MCTP1: variants seen among roughly 807,000 people sequenced by gnomAD.
MCTP1 encodes the protein multiple C2 and transmembrane domain containing 1, also known as multiple C2 and transmembrane domain-containing protein 1.
MCTP1 carries 69 observed loss-of-function variants against 120.6 expected under a neutral mutation model. The ratio of observed to expected loss-of-function variants is 0.57; its 90% CI spans 0.47 to 0.70. The LOEUF (loss-of-function observed/expected upper bound fraction) is 0.70, where lower values mean the gene tolerates loss of function less well. Among genes scored for constraint, MCTP1 ranks in the 30% least tolerant of loss-of-function variants. The pLI is 0.00. For missense variants in MCTP1, 1,203 were observed against 1,248.8 expected, an observed-to-expected ratio of 0.96 and a Z score of 0.55; for synonymous variants, 529 against 493.1, an observed-to-expected ratio of 1.07 and a Z score of -0.96.
intron 1 of MCTP1, among the ~76,000 whole-genome samples, chr5:95,136,593 AAG>A (rs1759466555): frequency 6.6e-6 from 1 of 152,194 alleles, no homozygotes; most frequent in African/African-American, 2.4e-5. Context: ...GGAAGTCAAG[AAG>A]AGAGAAGAGT....
intron 1 of MCTP1, among the ~76,000 whole-genome samples, chr5:95,260,054 T>A (rs1758328313): frequency 6.6e-6 from 1 of 152,146 alleles, no homozygotes; most frequent in Non-Finnish European, 1.5e-5. Flanking sequence ...GTGGGTGTGG[T>A]TTTTATTAAT....
intron 2 of MCTP1, among the ~76,000 whole-genome samples, chr5:94,953,898 T>TATATGCATATATATACAAATAC (rs1821438586): frequency 1.4e-5 from 1 of 73,538 alleles, no homozygotes; most frequent in Non-Finnish European, 2.7e-5. Flanking sequence ...TATACAAATA[T>TATATGCATATATATACAAATAC]ATATATGCAT....
At chr5:95,244,144 T>C (rs1013339670) in intron 1 of MCTP1, among the ~76,000 whole-genome samples, 2 of 152,208 alleles carry the variant, frequency 1.3e-5, no homozygotes, top group African/African-American at 2.4e-5. Context: ...GCTTCCAAGA[T>C]GGCTGAATAG....
At chr5:94,949,639 AT>A (rs529840385) in intron 3 of MCTP1, among the ~76,000 whole-genome samples, 12 of 151,966 alleles carry the variant, frequency 7.9e-5, no homozygotes, top group Admixed American at 7.2e-4. Context: ...TCAGAACTGA[AT>A]TTTTTTTCCT....
intron 19 of MCTP1, among the ~76,000 whole-genome samples, chr5:94,753,333 C>A (rs1768944198): frequency 6.6e-6 from 1 of 152,196 alleles, no homozygotes; most frequent in African/African-American, 2.4e-5. Flanking sequence ...ATGCAGTTTG[C>A]ACAAACCCCC....
At chr5:95,207,277 T>C (rs1397088170) in intron 1 of MCTP1, among the ~76,000 whole-genome samples, 4 of 151,984 alleles carry the variant, frequency 2.6e-5, no homozygotes, top group African/African-American at 4.8e-5. Flanking sequence ...GCAGCAGGGG[T>C]GGTGAATAGG....
At chr5:95,191,735 A>G (rs1235099125) in intron 1 of MCTP1, among the ~76,000 whole-genome samples, 1 of 152,006 alleles carries the variant, frequency 6.6e-6, no homozygotes, top group Non-Finnish European at 1.5e-5. Context: ...CTAAGAATAT[A>G]TGTTTCCTGA....
chr5:95,056,695 T>A (rs1371817059), intron 1 of MCTP1, among the ~76,000 whole-genome samples: 1 of 152,160 alleles, frequency 6.6e-6, no homozygotes, highest in African/African-American at 2.4e-5. Context: ...TCACTGAGTA[T>A]TCCAGTACCA....
At chr5:95,113,236 C>T (rs1277731258) in intron 1 of MCTP1, among the ~76,000 whole-genome samples, 2 of 151,968 alleles carry the variant, frequency 1.3e-5, no homozygotes, top group East Asian at 3.9e-4. Context: ...AAATAGAAGG[C>T]TCCACCAATC....
intron 1 of MCTP1, among the ~76,000 whole-genome samples, chr5:95,085,415 T>TC (rs1755353301): frequency 6.6e-6 from 1 of 151,524 alleles, no homozygotes; most frequent in Non-Finnish European, 1.5e-5. Flanking sequence ...TTTTTTTTTT[T>TC]TTGCTTAGCA....
intron 1 of MCTP1, among the ~76,000 whole-genome samples, chr5:95,156,370 A>T (rs1745131651): frequency 6.6e-6 from 1 of 152,228 alleles, no homozygotes; most frequent in Admixed American, 6.5e-5. Context: ...TCTGAACTGC[A>T]AAGTGAATTA....
rs140902074 is a variant in MCTP1, at chr5:95,008,062, T to A, written c.838+9305A>T. ...GCTTATCTTTAAGAAACAGAACGCC[T>A]GTGATAAAAAGTTTCCTTTGTAACT... On this transcript the variant is annotated intron_variant, in intron 2 of 22. Coordinates refer to ENST00000515393, the MANE Select transcript of MCTP1 (RefSeq NM_024717.7). Among the ~76,000 whole-genome samples the A allele has an allele frequency of 7.6e-3, 1,157 of 152,310 alleles. 12 individuals are homozygous for A. Among genetic ancestry groups the A allele is most frequent in the African/African-American group, 0.027 (1,123 of 41,574 alleles).
At chr5:95,098,672 A>G (rs547289253) in intron 1 of MCTP1, among the ~76,000 whole-genome samples, 3 of 152,082 alleles carry the variant, frequency 2.0e-5, no homozygotes, top group East Asian at 1.9e-4. Context: ...GGAAGAATCA[A>G]TATCGTGAAA....
intron 1 of MCTP1, among the ~76,000 whole-genome samples, chr5:95,143,553 C>A (rs1760117256): frequency 6.6e-6 from 1 of 152,040 alleles, no homozygotes; most frequent in African/African-American, 2.4e-5. Context: ...CCATCTTCCC[C>A]TCCCTCCCTT....
chr5:94,738,830 G>A (rs1240316025), intron 19 of MCTP1, among the ~76,000 whole-genome samples: 1 of 152,192 alleles, frequency 6.6e-6, no homozygotes, highest in African/African-American at 2.4e-5. Flanking sequence ...ACCGAGCTCA[G>A]TAAAGAACAC....
intron 2 of MCTP1, among the ~76,000 whole-genome samples, chr5:94,971,448 T>C (rs1055575431): frequency 2.0e-5 from 3 of 152,154 alleles, no homozygotes; most frequent in African/African-American, 4.8e-5. Context: ...AAGTTAAATA[T>C]GTAGAAAACT....
chr5:94,877,113 C>T (rs988126630), intron 12 of MCTP1, among the ~76,000 whole-genome samples: 1 of 152,006 alleles, frequency 6.6e-6, no homozygotes, highest in Non-Finnish European at 1.5e-5. Flanking sequence ...GAAGCAAAGA[C>T]TTTTCCAGTG....
intron 19 of MCTP1, among the ~76,000 whole-genome samples, chr5:94,775,930 A>T (rs923586064): frequency 6.8e-6 from 1 of 146,954 alleles, no homozygotes; most frequent in African/African-American, 2.5e-5. Context: ...ATATCATATA[A>T]ATATATTAAT....
chr5:94,991,084 C>T (rs7356576), intron 2 of MCTP1, among the ~76,000 whole-genome samples: 14,415 of 152,256 alleles, frequency 0.095, 1,042 homozygotes, highest in East Asian at 0.36. Context: ...ATCTATAAAT[C>T]ATCAGTGTTT....
Sources: gnomAD v4.1 joint callset for allele counts (sites outside exome capture counted in the v4.1 genomes callset) on GRCh38, gnomAD v4.1.1 for gene constraint, MANE v1.5 for transcripts, NCBI Gene and HGNC (gene_info 2026-07-23, HGNC 2026-07-21) for gene names.